Variants in TNS1 observed in about 807,000 individuals in gnomAD.
The protein encoded by TNS1 is tensin-1.
TNS1 carries 62 observed loss-of-function variants against 168.6 expected under a neutral mutation model. The ratio of observed to expected loss-of-function variants is 0.37; its 90% CI spans 0.30 to 0.45. The LOEUF (loss-of-function observed/expected upper bound fraction) is 0.45, where lower values mean the gene tolerates loss of function less well. TNS1 is among the 20% of genes least tolerant of loss of function. The pLI is 1.00. For synonymous variants in TNS1, 934 were observed against 933.2 expected (o/e 1.00, Z -0.02); for missense variants, 2,240 against 2,339.4 (o/e 0.96, Z 0.88).
At chr2:217,867,279 A>G (rs772387418) in intron 18 of TNS1, among the ~76,000 whole-genome samples, 2 of 152,228 alleles carry the variant, frequency 1.3e-5, no homozygotes, top group African/African-American at 2.4e-5. Flanking sequence ...GGCCCTGTCT[A>G]TAAAAATTAT....
intron 1 of TNS1, among the ~76,000 whole-genome samples, chr2:217,997,010 G>A (rs957168628): frequency 5.5e-5 from 8 of 146,056 alleles, no homozygotes; most frequent in Non-Finnish European, 1.2e-4. Context: ...CCAGCCACCC[G>A]CCACCCCACT....
At position 217,813,290 on chromosome 2, in the gene TNS1, G is replaced by A. The variant is rs1941309891; in HGVS notation, c.4879C>T (p.Leu1627=). 2 of 1,591,970 alleles carry A rather than the reference G, an allele frequency of 1.3e-6. No homozygotes were observed. The highest frequency in any genetic ancestry group is 1.7e-6 in the Non-Finnish European group (2 of 1,167,486). ...QNKKGDMTHE[L]VRHFLIETGP... is the part of the protein sequence containing the mutation. ...GTCTCTATCAGAAAATGCCTGACCA[G>A]CTCATGGGTCATGTCTCCTGGGACA... The change falls in exon 27 of 33, where the codon CTG becomes TTG. Residue 1627 remains leucine (L), a synonymous_variant. Coordinates refer to ENST00000682258, the MANE Select transcript of TNS1 (RefSeq NM_001387777.1). The surrounding 1 kb of genome is among the most constrained non-coding windows in gnomAD (Gnocchi z 4.0).
Position 217,890,993 on chromosome 2 carries a change from T to C in TNS1, c.835A>G (p.Ile279Val). Residue 279 changes from isoleucine to valine, a missense_variant, in exon 12 of 33, where the codon ATT (isoleucine) becomes GTT (valine). Coordinates refer to ENST00000682258, the MANE Select transcript of TNS1 (RefSeq NM_001387777.1). ...TGGGATGGCTGGCCAATGGGCACAA[T>C]CTTATCCTCATAGAACCGCTTCATT... Reference protein sequence around the residue: ...FAMKRFYEDKIVPIGQPSQRR... With the variant: ...FAMKRFYEDKVVPIGQPSQRR... 6.2e-7 allele frequency: 1 copy of C among 1,614,156 alleles called. No individual in the cohort carries two copies. The highest frequency in any genetic ancestry group is 8.5e-7 in the Non-Finnish European group (1 of 1,180,036).
chr2:218,002,845 G>A lies in TNS1; in HGVS notation c.28C>T (p.Leu10Phe), dbSNP rs1332025624. 8.8e-6 allele frequency: 4 copies of A among 456,832 alleles called. No individual in the cohort carries two copies. Among genetic ancestry groups the A allele is most frequent in the Non-Finnish European group, 1.8e-5 (4 of 227,006 alleles). The allele number at this position is 456,832 out of a possible 1,614,324, so 28.3% of individuals were successfully genotyped here. Residue 10 changes from leucine to phenylalanine, a missense_variant, in exon 1 of 33, where the codon CTC becomes TTC. Leu to Phe is a conservative substitution (Grantham distance 22, BLOSUM62 0). Coordinates refer to ENST00000682258, the MANE Select transcript of TNS1 (RefSeq NM_001387777.1). Reference protein sequence around the residue: MTWICLSCMLWPEDLEAPKT... With the variant: MTWICLSCMFWPEDLEAPKT... ...GCTAAAGCAGCCAGACCTACCCAGA[G>A]CATGCAGGACAGACAGATCCACGTC... is the stretch of plus-strand genomic sequence containing the variant.
At chr2:217,912,297 C>G (rs900375972) in intron 4 of TNS1, among the ~76,000 whole-genome samples, 1 of 152,152 alleles carries the variant, frequency 6.6e-6, no homozygotes, top group African/African-American at 2.4e-5. Context: ...AGCCCAGGGC[C>G]GAGGGGAAGG....
At chr2:217,877,089 T>G (rs537085981) in intron 18 of TNS1, among the ~76,000 whole-genome samples, 130 of 152,178 alleles carry the variant, frequency 8.5e-4, no homozygotes, top group African/African-American at 2.9e-3. Flanking sequence ...GGGTCCTTAT[T>G]ATTGAGCTTC....
At chr2:217,971,287 T>G (rs187580876) in intron 3 of TNS1, among the ~76,000 whole-genome samples, 1 of 152,354 alleles carries the variant, frequency 6.6e-6, no homozygotes, top group Non-Finnish European at 1.5e-5. Flanking sequence ...TCACTAGCGA[T>G]TTGTCTTTTC....
intron 22 of TNS1, among the ~76,000 whole-genome samples, chr2:217,829,551 G>T (rs1158451273): frequency 6.6e-6 from 1 of 152,194 alleles, no homozygotes; most frequent in Admixed American, 6.5e-5. Flanking sequence ...AATGGCGCTG[G>T]GAGAGGAAGG....
intron 18 of TNS1, 130 bp from the exon 19 acceptor site, chr2:217,849,217 A>C: frequency 1.8e-6 from 2 of 1,112,796 alleles, no homozygotes; most frequent in Non-Finnish European, 2.5e-6. Context: ...TCCTCTCACC[A>C]CCCTGAGGTG....
rs151338535 is a variant in TNS1, at chr2:217,896,812, C to T, written c.543+986G>A. 1.7e-3 allele frequency among the ~76,000 whole-genome samples: 259 copies of T among 152,290 alleles called. 1 individual carries two copies. The highest frequency in any genetic ancestry group is 6.0e-3 in the African/African-American group (251 of 41,558). On this transcript the variant is annotated intron_variant, in intron 8 of 32. Coordinates refer to ENST00000682258, the MANE Select transcript of TNS1 (RefSeq NM_001387777.1). ...ATATAACTTGCATATAAAAAATGTA[C>T]TATTTGCATATAACTTATGCATATA...
chr2:218,014,140 G>A (rs1958735851), upstream of TNS1, among the ~76,000 whole-genome samples: 1 of 152,186 alleles, frequency 6.6e-6, no homozygotes, highest in Admixed American at 6.5e-5. Flanking sequence ...TGTCTGCAGG[G>A]GCACAAAGGC....
chr2:217,918,377 G>A (rs1430748967), intron 4 of TNS1, among the ~76,000 whole-genome samples: 4 of 152,184 alleles, frequency 2.6e-5, no homozygotes, highest in African/African-American at 7.2e-5. Context: ...AGGCAGGGGA[G>A]CCTCTGGGAG....
intron 23 of TNS1, 29 bp downstream of exon 23, chr2:217,821,711 C>A: frequency 7.1e-7 from 1 of 1,408,228 alleles, no homozygotes; most frequent in Admixed American, 3.3e-5. Context: ...GGATTCCCAT[C>A]CCCCACCCAC....
At chr2:217,925,521 C>T (rs574867741) in intron 3 of TNS1, among the ~76,000 whole-genome samples, 64 of 152,346 alleles carry the variant, frequency 4.2e-4, no homozygotes, top group African/African-American at 1.4e-3. Flanking sequence ...CTGGAGAGGA[C>T]AGCTTTGCCC....
intron 5 of TNS1, among the ~76,000 whole-genome samples, 155 bp downstream of exon 5, chr2:217,907,055 G>A (rs1048712926): frequency 4.8e-4 from 72 of 151,144 alleles, no homozygotes; most frequent in African/African-American, 1.6e-3. Flanking sequence ...GTCAGCAGCC[G>A]CCCCACTACT....
At chr2:217,820,658 C>A (rs1280797913) in intron 23 of TNS1, among the ~76,000 whole-genome samples, 1 of 152,110 alleles carries the variant, frequency 6.6e-6, no homozygotes, top group Non-Finnish European at 1.5e-5. Context: ...GGGGGCGACA[C>A]CTCCTAGGTC....
rs567675945 is a variant in TNS1 at position 217,867,821 on chromosome 2, G to C, written c.1429+13077C>G. ...GTGCCTCTTTCAAGTCTTGGCTCAA[G>C]TGTTCCTCCTCAGAGGGCCGGGACT... On this transcript the variant is annotated intron_variant, in intron 18 of 32. Coordinates refer to ENST00000682258, the MANE Select transcript of TNS1 (RefSeq NM_001387777.1). Among the ~76,000 whole-genome samples the C allele has an allele frequency of 9.2e-5, 14 of 152,342 alleles. No individual in the cohort carries two copies. The South Asian group carries it at 2.3e-3, about 25-fold the overall frequency.
chr2:217,913,590 C>A (rs1954671276), intron 4 of TNS1, among the ~76,000 whole-genome samples: 1 of 152,154 alleles, frequency 6.6e-6, no homozygotes, highest in Non-Finnish European at 1.5e-5. Flanking sequence ...CGGTCCCTCC[C>A]TGCCAAGCCA....
At chr2:217,840,356 A>G (rs895349428) in intron 19 of TNS1, among the ~76,000 whole-genome samples, 1 of 152,230 alleles carries the variant, frequency 6.6e-6, no homozygotes, top group Admixed American at 6.5e-5. Flanking sequence ...AGTGGACGGC[A>G]TCATTCTCAA....
Sources: gnomAD v4.1 joint callset for allele counts (sites outside exome capture counted in the v4.1 genomes callset) on GRCh38, gnomAD v4.1.1 for gene constraint, Gnocchi (gnomAD v3.1) non-coding constraint, MANE v1.5 for transcripts, NCBI Gene and HGNC (gene_info 2026-07-23, HGNC 2026-07-21) for gene names.